Variants in PARN observed in about 807,000 individuals in gnomAD.
PARN encodes the protein poly(A)-specific ribonuclease PARN.
PARN carries 71 observed loss-of-function variants against 102.8 expected under a neutral mutation model. The ratio of observed to expected loss-of-function variants is 0.69; its 90% CI spans 0.57 to 0.84. PARN has a LOEUF of 0.84. Ranked by LOEUF, PARN falls within the 40% of genes least tolerant of loss-of-function variation. The pLI is 0.00. For synonymous variants in PARN, 261 were observed against 252.9 expected (o/e 1.03, Z -0.30); for missense variants, 782 against 760.9 (o/e 1.03, Z -0.33).
At chr16:14,466,713 C>T (rs1446515175) in intron 22 of PARN, among the ~76,000 whole-genome samples, 1 of 152,224 alleles carries the variant, frequency 6.6e-6, no homozygotes. Flanking sequence ...GGTATTACTA[C>T]ATTCCACAAT....
chr16:14,501,315 T>C lies in PARN; in HGVS notation c.1481-18488A>G, dbSNP rs528857870. ...AAAACAATAATAATAATAATAATAA[T>C]AATAATAATTAGTCTGGAGTGGTGG... On this transcript the variant is annotated intron_variant, in intron 21 of 23. Coordinates refer to ENST00000437198, the MANE Select transcript of PARN (RefSeq NM_002582.4). 9.0e-5 allele frequency among the ~76,000 whole-genome samples: 13 copies of C among 144,212 alleles called. No individual in the cohort carries two copies. The South Asian group carries it at 1.5e-3, about 17-fold the overall frequency. 94.6% of individuals were successfully genotyped at this position (144,212 alleles called of 152,430 possible). A position where few individuals can be genotyped will look rare whatever the true frequency, so the allele number is the denominator to read the frequency against.
rs1970312523 is a variant in PARN, at chr16:14,593,368, A to C, written c.851T>G (p.Val284Gly). 6.3e-7 allele frequency: 1 copy of C among 1,594,764 alleles called. No homozygotes were observed. The change falls in exon 13 of 24, where the codon GTT becomes GGT. Residue 284 changes from valine (V) to glycine (G), a missense_variant. By Grantham distance (109) the Val-to-Gly change is moderately radical. Coordinates refer to ENST00000437198, the MANE Select transcript of PARN (RefSeq NM_002582.4). ...GTCCAAGAGCATATTGTGTCCAATA[A>C]CAAGTTTTCCCTAAAGAAAGTCAAG... The part of the protein sequence containing the change: ...IHAIANSGKL[V>G]IGHNMLLDVM...
chr16:14,590,647 A>G (rs1297809631), intron 13 of PARN, among the ~76,000 whole-genome samples: 5 of 151,932 alleles, frequency 3.3e-5, no homozygotes, highest in Non-Finnish European at 5.9e-5. Context: ...AAAAAAAAAA[A>G]AAAAAAGAAA....
chr16:14,604,750 A>C (rs1971080535), intron 10 of PARN, among the ~76,000 whole-genome samples: 1 of 151,360 alleles, frequency 6.6e-6, no homozygotes, highest in South Asian at 2.1e-4. Flanking sequence ...AGAGTAGCCA[A>C]GATTACAGGT....
intron 21 of PARN, among the ~76,000 whole-genome samples, chr16:14,497,724 T>C (rs1964390269): frequency 6.6e-6 from 1 of 152,206 alleles, no homozygotes; most frequent in Non-Finnish European, 1.5e-5. Context: ...TAAGCTAATA[T>C]AGGAGCTGCT....
rs117627766 is a variant in PARN, at chr16:14,496,702, A to G, written c.1481-13875T>C. ...CTCTGAATAAATTCCACTCCAGGGA[A>G]GACTAAATAGTACACGGCTTAGTTA... is the stretch of plus-strand genomic sequence containing the variant. On this transcript the variant is annotated intron_variant, in intron 21 of 23. Transcript: ENST00000437198. 6.4e-3 allele frequency among the ~76,000 whole-genome samples: 971 copies of G among 152,360 alleles called. 5 individuals are homozygous for G. The highest frequency in any genetic ancestry group is 0.011 in the Non-Finnish European group (748 of 68,032).
At position 14,458,937 on chromosome 16, in the gene PARN, G is replaced by C. The variant is rs977062475; in HGVS notation, c.1671-11856C>G. Among the ~76,000 whole-genome samples the C allele has an allele frequency of 3.3e-5, 5 of 152,142 alleles. No individual in the cohort carries two copies. In the East Asian group the frequency reaches 7.7e-4, roughly 23 times the overall value. On this transcript the variant is annotated intron_variant, in intron 22 of 23. Transcript: ENST00000437198. ...GGGGTAGCCATCCCCCACATACCGAGGAGTGAGGCTGTCCAGCTCCCTTCT... is the reference window on the plus strand; with the variant it reads ...GGGGTAGCCATCCCCCACATACCGACGAGTGAGGCTGTCCAGCTCCCTTCT...
chr16:14,549,446 C>T (rs1421281848), intron 21 of PARN, among the ~76,000 whole-genome samples: 2 of 152,186 alleles, frequency 1.3e-5, no homozygotes, highest in Non-Finnish European at 2.9e-5. Context: ...AATGAGCAAT[C>T]AGACAATAGA....
chr16:14,574,171 GAA>G (rs1968975924), intron 18 of PARN, among the ~76,000 whole-genome samples: 1 of 152,206 alleles, frequency 6.6e-6, no homozygotes, highest in Non-Finnish European at 1.5e-5. Flanking sequence ...ATGGAGATGA[GAA>G]ACTTTTTGGG....
At chr16:14,626,960 T>C in intron 5 of PARN, 146 bp downstream of exon 5, 1 of 624,816 alleles carries the variant, frequency 1.6e-6, no homozygotes, top group Non-Finnish European at 2.8e-6. Context: ...AACAGGGTCA[T>C]GAATTTATTA....
intron 18 of PARN, among the ~76,000 whole-genome samples, chr16:14,573,451 A>G (rs1207332741): frequency 6.6e-6 from 1 of 152,190 alleles, no homozygotes; most frequent in East Asian, 1.9e-4. Flanking sequence ...TTTGACCAAT[A>G]TCTCCCCAAT....
intron 18 of PARN, among the ~76,000 whole-genome samples, chr16:14,562,878 A>G (rs988301005): frequency 6.6e-6 from 1 of 152,240 alleles, no homozygotes; most frequent in Admixed American, 6.5e-5. Flanking sequence ...TATGTTAAGT[A>G]CAAGCACAGA....
chr16:14,627,410 T>C, intron 3 of PARN, 74 bp from the exon 4 acceptor site: 2 of 1,055,026 alleles, frequency 1.9e-6, no homozygotes, highest in Non-Finnish European at 2.9e-6. Flanking sequence ...CTCAAACAGG[T>C]GGGCTTTCTG....
intron 9 of PARN, among the ~76,000 whole-genome samples, chr16:14,607,525 C>T (rs1308168267): frequency 6.6e-6 from 1 of 152,074 alleles, no homozygotes; most frequent in East Asian, 1.9e-4. Context: ...TTTTAGATTG[C>T]ACAGGGCATA....
At chr16:14,478,017 C>A (rs1963166795) in intron 22 of PARN, among the ~76,000 whole-genome samples, 1 of 152,036 alleles carries the variant, frequency 6.6e-6, no homozygotes, top group African/African-American at 2.4e-5. Context: ...TAGTATAAAT[C>A]AAAATATTAA....
intron 21 of PARN, among the ~76,000 whole-genome samples, 172 bp downstream of exon 21, chr16:14,551,849 T>C (rs1030493133): frequency 5.3e-5 from 8 of 152,232 alleles, no homozygotes; most frequent in South Asian, 2.1e-4. Context: ...TATTTTCTCA[T>C]CTATACATGA....
At chr16:14,484,332 C>T (rs2151599741) in intron 21 of PARN, among the ~76,000 whole-genome samples, 1 of 152,234 alleles carries the variant, frequency 6.6e-6, no homozygotes, top group South Asian at 2.1e-4. Context: ...CTCTTGGTGC[C>T]CATTTGCTAC....
chr16:14,439,923 G>A (rs1263724687), intron 23 of PARN, among the ~76,000 whole-genome samples: 1 of 152,178 alleles, frequency 6.6e-6, no homozygotes, highest in Non-Finnish European at 1.5e-5. Context: ...GCTGAGGCAG[G>A]AGAATAGCCT....
At chr16:14,465,008 G>C (rs1160678146) in intron 22 of PARN, among the ~76,000 whole-genome samples, 2 of 152,172 alleles carry the variant, frequency 1.3e-5, no homozygotes, top group African/African-American at 4.8e-5. Flanking sequence ...AATATGTATA[G>C]AACTACACAA....
Sources: allele counts gnomAD v4.1 joint callset (sites outside exome capture counted in the v4.1 genomes callset), GRCh38; gene constraint gnomAD v4.1.1; transcripts MANE v1.5; gene names NCBI Gene and HGNC (gene_info 2026-07-23, HGNC 2026-07-21).